The following JADE2 variants were observed in gnomAD, a reference collection of about 807,000 sequenced individuals.
JADE2 encodes the protein E3 ubiquitin-protein ligase Jade-2.
In JADE2, 13 loss-of-function variants were observed where a neutral mutation model predicts 85.7. That is an observed-to-expected ratio of 0.15 (90% CI 0.10 to 0.24). The LOEUF is 0.24. Among genes scored for constraint, JADE2 ranks in the 10% least tolerant of loss-of-function variants. The probability of loss-of-function intolerance (pLI) is 1.00; values close to 1 mark genes in which losing one functional copy is unlikely to be tolerated. For missense variants in JADE2, 846 were observed against 1,115.9 expected, an observed-to-expected ratio of 0.76 and a Z score of 3.45; for synonymous variants, 440 against 456.1, an observed-to-expected ratio of 0.96 and a Z score of 0.45.
Position 134,579,085 on chromosome 5 carries a change from G to C in JADE2, c.2273G>C (p.Ser758Thr). Reference protein sequence around the residue: ...PLGRLRPPRESKVTRRLPGAR... With the variant: ...PLGRLRPPRETKVTRRLPGAR... ...GGCCGGCTCCGGCCACCCCGCGAGA[G>C]CAAGGTAACCCGGAGATTGCCGGGT... Residue 758 changes from serine (S) to threonine (T), a missense_variant, in exon 12 of 12, where the codon AGC becomes ACC. By Grantham distance (58) the Ser-to-Thr change is moderately conservative. Transcript: ENST00000681547. The surrounding 1 kb of genome is among the most constrained non-coding windows in gnomAD (Gnocchi z 4.6). 1 of 1,614,096 alleles carries C rather than the reference G, an allele frequency of 6.2e-7. No individual in the cohort carries two copies. The highest frequency in any genetic ancestry group is 8.5e-7 in the Non-Finnish European group (1 of 1,179,988).
At chr5:134,525,594 CCCCCA>C (rs1165229174), upstream of JADE2, 2 of 295,830 alleles carry the variant, frequency 6.8e-6, no homozygotes, top group East Asian at 1.6e-4. Flanking sequence ...CTCCTGCCCG[CCCCCA>C]CCCCACCCCC....
At chr5:134,528,064 C>G (rs1399767864) in intron 1 of JADE2, among the ~76,000 whole-genome samples, 1 of 152,158 alleles carries the variant, frequency 6.6e-6, no homozygotes, top group Non-Finnish European at 1.5e-5. Flanking sequence ...TGAGTGGGAC[C>G]TGCTGCCTTG....
At chr5:134,547,752 A>G (rs992095229) in intron 3 of JADE2, among the ~76,000 whole-genome samples, 3 of 152,206 alleles carry the variant, frequency 2.0e-5, no homozygotes, top group African/African-American at 4.8e-5. Context: ...TGGCTGGCCC[A>G]TGGAAGGATC....
chr5:134,566,644 A>G lies in JADE2; in HGVS notation c.1434+64A>G, dbSNP rs1763661651. The G allele has an allele frequency of 8.3e-7, 1 of 1,210,272 alleles. No individual in the cohort carries two copies. The highest frequency in any genetic ancestry group is 1.5e-5 in the African/African-American group (1 of 65,844). 75.0% of individuals were successfully genotyped at this position (1,210,272 alleles called of 1,614,324 possible). Reference sequence around the variant, plus strand: ...GGTCCAGGAGTCCTTTCCATGCCACACTCACTGCCCTGGAGCAGCTAGGAC... The same window carrying G: ...GGTCCAGGAGTCCTTTCCATGCCACGCTCACTGCCCTGGAGCAGCTAGGAC... On this transcript the variant is annotated intron_variant, in intron 9 of 11. Transcript: ENST00000681547. This position sits in a 1 kb window ranked among gnomAD's most constrained non-coding sequence, Gnocchi z 6.7.
At chr5:134,532,074 G>C (rs918505298) in intron 1 of JADE2, among the ~76,000 whole-genome samples, 1 of 151,634 alleles carries the variant, frequency 6.6e-6, no homozygotes, top group South Asian at 2.1e-4. Context: ...TCATAGAGTC[G>C]GGGATTTGCC....
intron 3 of JADE2, among the ~76,000 whole-genome samples, chr5:134,546,697 G>A (rs1244362256): frequency 2.0e-5 from 3 of 151,452 alleles, no homozygotes; most frequent in Middle Eastern, 3.2e-3. Flanking sequence ...GAACCTGGGA[G>A]GCGGAGGTTG....
At chr5:134,548,132 T>C (rs985938509) in intron 3 of JADE2, among the ~76,000 whole-genome samples, 2 of 152,210 alleles carry the variant, frequency 1.3e-5, no homozygotes, top group Admixed American at 6.5e-5. Context: ...GGCTCTGCAG[T>C]TCAGTGTGGG....
intron 1 of JADE2, chr5:134,526,353 G>A: frequency 1.0e-6 from 1 of 985,126 alleles, no homozygotes; most frequent in Non-Finnish European, 1.2e-6. Flanking sequence ...AGGGGGCGCG[G>A]GCGGGCGGGG....
In JADE2 at chr5:134,525,739, G is replaced by T. The variant is rs756482588; in HGVS notation, c.-273G>T. Reference sequence around the variant, plus strand: ...TCGCAGTTGGAGGCTATTTTTTGGGGGGGGTGAGTAGCGTCCATGGAGTTA... The same window carrying T: ...TCGCAGTTGGAGGCTATTTTTTGGGTGGGGTGAGTAGCGTCCATGGAGTTA... On this transcript the variant is annotated 5_prime_UTR_variant, in exon 1 of 12. Coordinates refer to ENST00000681547, the MANE Select transcript of JADE2 (RefSeq NM_001388185.1). The T allele has an allele frequency of 2.4e-6, 3 of 1,232,046 alleles. No individual in the cohort carries two copies. Among genetic ancestry groups the T allele is most frequent in the Admixed American group, 3.0e-5 (1 of 33,416 alleles). The allele number at this position is 1,232,046 out of a possible 1,614,324, so 76.3% of individuals were successfully genotyped here. A position where few individuals can be genotyped will look rare whatever the true frequency, so the allele number is the denominator to read the frequency against.
Position 134,559,887 on chromosome 5 carries a change from T to C in JADE2, c.369T>C (p.Leu123=). 6.2e-7 allele frequency: 1 copy of C among 1,613,970 alleles called. No individual in the cohort carries two copies. The highest frequency in any genetic ancestry group is 1.7e-5 in the Admixed American group (1 of 59,996). ...PAQASPSSTM[L]GEGSQPDWPG... ...AGGCATCCCCGAGCAGCACCATGCT[T>C]GGTGAGGGCTCCCAGCCTGATTGGC... Residue 123 remains leucine, a synonymous_variant, in exon 5 of 12, where the codon CTT becomes CTC. Coordinates refer to ENST00000681547, the MANE Select transcript of JADE2 (RefSeq NM_001388185.1).
At chr5:134,549,083 A>G (rs990423025) in intron 3 of JADE2, among the ~76,000 whole-genome samples, 2 of 152,196 alleles carry the variant, frequency 1.3e-5, no homozygotes, top group African/African-American at 4.8e-5. Flanking sequence ...ACAAGAAACC[A>G]GCAATGTGAG....
chr5:134,576,889 G>T lies in JADE2; in HGVS notation c.1674G>T (p.Gly558=), dbSNP rs1032739567. The T allele has an allele frequency of 7.2e-5, 111 of 1,540,444 alleles. No individual in the cohort carries two copies. The East Asian group carries it at 2.7e-3, about 37-fold the overall frequency. The change falls in exon 11 of 12, where the codon GGG becomes GGT. Residue 558 remains glycine, a synonymous_variant. Coordinates refer to ENST00000681547, the MANE Select transcript of JADE2 (RefSeq NM_001388185.1). Reference sequence around the variant, plus strand: ...AGGCGGGGCCTGACTCAGTCCTGGGGCAGCTGGGTGAGTGAGGGCCATGCT... The same window carrying T: ...AGGCGGGGCCTGACTCAGTCCTGGGTCAGCTGGGTGAGTGAGGGCCATGCT... The part of the protein sequence containing the change: ...KVKAGPDSVL[G]QLAGLSTSFP...
chr5:134,557,264 T>A (rs1170582707), intron 4 of JADE2, among the ~76,000 whole-genome samples: 1 of 23,600 alleles, frequency 4.2e-5, no homozygotes. Flanking sequence ...GCTTTTATTT[T>A]TTTATTTTTT....
intron 1 of JADE2, among the ~76,000 whole-genome samples, chr5:134,528,507 T>TA (rs1761028377): frequency 6.6e-6 from 1 of 152,002 alleles, no homozygotes; most frequent in East Asian, 1.9e-4. Flanking sequence ...GAGGAGGGCT[T>TA]TCATGTTTAA....
At chr5:134,567,892 G>A (rs768102727) in intron 9 of JADE2, among the ~76,000 whole-genome samples, 11 of 152,182 alleles carry the variant, frequency 7.2e-5, no homozygotes, top group Non-Finnish European at 1.6e-4. Context: ...CCAGGACAGA[G>A]GGCAAGGCTA....
In JADE2 at chr5:134,580,425, T is replaced by G. The variant is rs1431255705; in HGVS notation, c.*1108T>G. The G allele has an allele frequency of 2.8e-5, 2 of 72,118 alleles. No individual in the cohort carries two copies. The highest frequency in any genetic ancestry group is 5.8e-5 in the African/African-American group (1 of 17,376). The allele number at this position is 72,118 out of a possible 1,614,324, so 4.5% of individuals were successfully genotyped here. ...TGAGCCTTAACCCCTCGCACAGCCA[T>G]CCCCCCCCCCGTCCTGCCATCCCCC... is the stretch of plus-strand genomic sequence containing the variant. On this transcript the variant is annotated 3_prime_UTR_variant, in exon 12 of 12. Coordinates refer to ENST00000681547, the MANE Select transcript of JADE2 (RefSeq NM_001388185.1).
chr5:134,543,528 T>A (rs1024372407), intron 3 of JADE2, among the ~76,000 whole-genome samples: 1 of 151,894 alleles, frequency 6.6e-6, no homozygotes, highest in African/African-American at 2.4e-5. Flanking sequence ...ATTTTAAAAA[T>A]TAGCTGGTCA....
In JADE2 at chr5:134,562,713, G is replaced by A. The variant is rs1763400948; in HGVS notation, c.852+346G>A. The stretch of plus-strand genomic sequence containing the variant: ...TGGGAGTTGGAGGTTGCAGTGAACC[G>A]AGATCGCACCACTGCACTCCAGCCT... On this transcript the variant is annotated intron_variant, in intron 7 of 11. Transcript: ENST00000681547. The surrounding 1 kb of genome is among the most constrained non-coding windows in gnomAD (Gnocchi z 4.6). 1.3e-5 allele frequency among the ~76,000 whole-genome samples: 2 copies of A among 152,130 alleles called. No homozygotes were observed. The highest frequency in any genetic ancestry group is 2.1e-4 in the South Asian group (1 of 4,820).
intron 3 of JADE2, among the ~76,000 whole-genome samples, chr5:134,551,806 C>T (rs1762608317): frequency 6.6e-6 from 1 of 152,204 alleles, no homozygotes; most frequent in South Asian, 2.1e-4. Flanking sequence ...CAAACTCTGT[C>T]CTTTAATAGG....
Sources: allele counts gnomAD v4.1 joint callset (sites outside exome capture counted in the v4.1 genomes callset), GRCh38; gene constraint gnomAD v4.1.1; non-coding constraint Gnocchi (gnomAD v3.1); transcripts MANE v1.5; gene names NCBI Gene and HGNC (gene_info 2026-07-23, HGNC 2026-07-21).